PCDHGA8: variants seen among roughly 807,000 people sequenced by gnomAD.
PCDHGA8 encodes protocadherin gamma-A8.
A neutral mutation model predicts 59.2 loss-of-function variants in PCDHGA8; 45 were observed. The ratio of observed to expected loss-of-function variants is 0.76; its 90% CI spans 0.60 to 0.98. The LOEUF (loss-of-function observed/expected upper bound fraction) is 0.98, where lower values mean the gene tolerates loss of function less well. Among genes scored for constraint, PCDHGA8 ranks in the 50% least tolerant of loss-of-function variants. PCDHGA8 has a pLI of 0.00. For missense variants in PCDHGA8, 1,257 were observed against 1,196.2 expected, an observed-to-expected ratio of 1.05 and a Z score of -0.75; for synonymous variants, 531 against 519.0, an observed-to-expected ratio of 1.02 and a Z score of -0.32.
At chr5:141,419,938 G>A in intron 1 of PCDHGA8, 1 of 1,614,102 alleles carries the variant, frequency 6.2e-7, no homozygotes, top group Non-Finnish European at 8.5e-7. Context: ...TTTACCTGGT[G>A]GTGGCCTTGG....
chr5:141,471,254 T>A (rs1043647138), intron 1 of PCDHGA8: 1 of 151,828 alleles, frequency 6.6e-6, no homozygotes, highest in African/African-American at 2.4e-5. Flanking sequence ...TTTCACCATG[T>A]TGGCAAGGCT....
chr5:141,433,850 A>C (rs899643386), intron 1 of PCDHGA8, among the ~76,000 whole-genome samples: 2 of 151,896 alleles, frequency 1.3e-5, no homozygotes, highest in East Asian at 3.9e-4. Flanking sequence ...AAAAAAAAAA[A>C]AAAAACTTTA....
At chr5:141,459,218 C>T (rs2098963524) in intron 1 of PCDHGA8, among the ~76,000 whole-genome samples, 1 of 152,220 alleles carries the variant, frequency 6.6e-6, no homozygotes, top group South Asian at 2.1e-4. Context: ...TTCTCCAGCT[C>T]CAGGCAACAA....
In PCDHGA8 at chr5:141,431,508, G is replaced by A. The variant is rs774545870; in HGVS notation, c.2424+36271G>A. ...TTTGCTCAGCCCGAGTACCGCGCGA[G>A]CGTTCCGGAGAATCTGGCCTTGGGC... On this transcript the variant is annotated intron_variant, in intron 1 of 3. Coordinates refer to ENST00000398604, the MANE Select transcript of PCDHGA8 (RefSeq NM_032088.2). The surrounding 1 kb of genome is among the most constrained non-coding windows in gnomAD (Gnocchi z 4.8). 12 of 1,613,914 alleles carry A rather than the reference G, an allele frequency of 7.4e-6. No individual in the cohort carries two copies. Among genetic ancestry groups the A allele is most frequent in the East Asian group, 2.2e-5 (1 of 44,904 alleles).
chr5:141,489,427 C>G lies in PCDHGA8; in HGVS notation c.2425-5380C>G, dbSNP rs370540900. ...AAAGATGACAGATCTGTTGAGCCGG[C>G]GGCTGCAATTGGGCTCTGAGGAGAA... On this transcript the variant is annotated intron_variant, in intron 1 of 3. Transcript: ENST00000398604. The surrounding 1 kb of genome is among the most constrained non-coding windows in gnomAD (Gnocchi z 4.5). 6.2e-7 allele frequency: 1 copy of G among 1,614,108 alleles called. No homozygotes were observed. Among genetic ancestry groups the G allele is most frequent in the South Asian group, 1.1e-5 (1 of 91,086 alleles).
intron 1 of PCDHGA8, chr5:141,415,513 G>A: frequency 6.2e-7 from 1 of 1,614,214 alleles, no homozygotes; most frequent in East Asian, 2.2e-5. Context: ...GCCCAATTAT[G>A]CGGACACGCT....
In PCDHGA8 at chr5:141,489,705, C is replaced by G; in HGVS notation, c.2425-5102C>G. The G allele has an allele frequency of 6.2e-7, 1 of 1,614,022 alleles. No homozygotes were observed. The highest frequency in any genetic ancestry group is 1.1e-5 in the South Asian group (1 of 91,074). ...CATCTGGGGCACGATTCCCACTGGA[C>G]AGTGCCCAGGATCCGGATGTGGGCA... On this transcript the variant is annotated intron_variant, in intron 1 of 3. Coordinates refer to ENST00000398604, the MANE Select transcript of PCDHGA8 (RefSeq NM_032088.2). The surrounding 1 kb of genome is among the most constrained non-coding windows in gnomAD (Gnocchi z 4.5).
At chr5:141,433,103 C>T (rs762225174) in intron 1 of PCDHGA8, 3 of 1,614,126 alleles carry the variant, frequency 1.9e-6, no homozygotes, top group Non-Finnish European at 2.5e-6. Flanking sequence ...GCTCGTCAGC[C>T]AGGAGAGCTT....
At chr5:141,404,811 G>A (rs2094571358) in intron 1 of PCDHGA8, 1 of 1,606,238 alleles carries the variant, frequency 6.2e-7, no homozygotes, top group African/African-American at 1.4e-5. Flanking sequence ...TTCTCGGTGG[G>A]GCTGCACACA....
chr5:141,425,795 T>A (rs2096894407), intron 1 of PCDHGA8, among the ~76,000 whole-genome samples: 1 of 152,244 alleles, frequency 6.6e-6, no homozygotes, highest in Non-Finnish European at 1.5e-5. Flanking sequence ...TTCCAATATG[T>A]GCATTGCTTC....
chr5:141,425,500 T>C (rs2096879850), intron 1 of PCDHGA8, among the ~76,000 whole-genome samples: 1 of 152,246 alleles, frequency 6.6e-6, no homozygotes, highest in South Asian at 2.1e-4. Context: ...GCTATACCTT[T>C]ATATTCTCTT....
intron 1 of PCDHGA8, among the ~76,000 whole-genome samples, chr5:141,482,442 C>T (rs942933015): frequency 1.4e-5 from 2 of 147,678 alleles, no homozygotes; most frequent in Non-Finnish European, 3.0e-5. Flanking sequence ...CTGATATTCA[C>T]CATTTATTAG....
At chr5:141,454,181 G>A (rs1290295830) in intron 1 of PCDHGA8, among the ~76,000 whole-genome samples, 1 of 152,200 alleles carries the variant, frequency 6.6e-6, no homozygotes, top group Non-Finnish European at 1.5e-5. Context: ...GCAGCTAAAG[G>A]AGCTTAGTGA....
chr5:141,418,505 G>A, intron 1 of PCDHGA8: 1 of 1,614,006 alleles, frequency 6.2e-7, no homozygotes, highest in Non-Finnish European at 8.5e-7. Flanking sequence ...GACCGCCTTA[G>A]ATGGTGGGGA....
chr5:141,475,984 G>C (rs1282216343), intron 1 of PCDHGA8: 1 of 1,069,308 alleles, frequency 9.4e-7, no homozygotes, highest in Non-Finnish European at 1.3e-6. Flanking sequence ...AACAGCCGGC[G>C]AGCAAATCAA....
In PCDHGA8 at chr5:141,485,132, T is replaced by C. The variant is rs1020670896; in HGVS notation, c.2425-9675T>C. On this transcript the variant is annotated intron_variant, in intron 1 of 3. Transcript: ENST00000398604. This position sits in a 1 kb window ranked among gnomAD's most constrained non-coding sequence, Gnocchi z 5.7. ...GGCTGTTTGGGGCGGGTCGGCTTCATCCGCGTCTCAGGAGCAAGTAGAGAA... is the reference window on the plus strand; with the variant it reads ...GGCTGTTTGGGGCGGGTCGGCTTCACCCGCGTCTCAGGAGCAAGTAGAGAA... 8.1e-6 allele frequency: 12 copies of C among 1,489,136 alleles called. No individual in the cohort carries two copies. Among genetic ancestry groups the C allele is most frequent in the East Asian group, 2.3e-5 (1 of 44,214 alleles). The allele number at this position is 1,489,136 out of a possible 1,614,324, so 92.2% of individuals were successfully genotyped here.
intron 1 of PCDHGA8, chr5:141,408,678 A>G (rs758302984): frequency 2.5e-6 from 4 of 1,613,862 alleles, no homozygotes; most frequent in African/African-American, 1.3e-5. Context: ...CCTGCCACGG[A>G]TCCTGATATA....
intron 2 of PCDHGA8, among the ~76,000 whole-genome samples, chr5:141,504,178 A>C (rs572543892): frequency 4.5e-4 from 69 of 152,366 alleles, no homozygotes; most frequent in Non-Finnish European, 7.6e-4. Context: ...AAATTCAAAA[A>C]AATCATGAAA....
intron 1 of PCDHGA8, among the ~76,000 whole-genome samples, chr5:141,402,017 A>G (rs1052839882): frequency 2.0e-5 from 3 of 152,210 alleles, no homozygotes; most frequent in African/African-American, 7.2e-5. Flanking sequence ...ATGCATTTGA[A>G]TCATTGAAAC....
Sources: allele counts gnomAD v4.1 joint callset (sites outside exome capture counted in the v4.1 genomes callset), GRCh38; gene constraint gnomAD v4.1.1; non-coding constraint Gnocchi (gnomAD v3.1); transcripts MANE v1.5; gene names NCBI Gene and HGNC (gene_info 2026-07-23, HGNC 2026-07-21).